The following COL7A1 variants were observed in gnomAD, a reference collection of about 807,000 sequenced individuals.
The protein encoded by COL7A1 is collagen type VII alpha 1 chain, also known as collagen alpha-1(VII) chain.
A neutral mutation model predicts 456.2 loss-of-function variants in COL7A1; 296 were observed. The ratio of observed to expected loss-of-function variants is 0.65; its 90% CI spans 0.59 to 0.71. The LOEUF (loss-of-function observed/expected upper bound fraction) is 0.71. COL7A1 is among the 30% of genes least tolerant of loss of function. The probability of loss-of-function intolerance (pLI) is 0.00; values close to 1 mark genes in which losing one functional copy is unlikely to be tolerated. For missense variants in COL7A1, 3,441 were observed against 4,017.2 expected, an observed-to-expected ratio of 0.86 and a Z score of 3.88; for synonymous variants, 1,464 against 1,525.9, an observed-to-expected ratio of 0.96 and a Z score of 0.95.
Position 48,573,823 on chromosome 3 carries a change from G to A in COL7A1, c.6537+32C>T, listed in dbSNP as rs757578754. On this transcript the variant is annotated intron_variant, in intron 81 of 118. Transcript: ENST00000681320. The surrounding 1 kb of genome is among the most constrained non-coding windows in gnomAD (Gnocchi z 5.5). The stretch of plus-strand genomic sequence containing the variant: ...TCACTGGGGCAGGGCACAGGATGGG[G>A]GCAAGACAGGTGAAGGTTCTTGGGT... The A allele has an allele frequency of 1.2e-6, 2 of 1,614,048 alleles. No homozygotes were observed. The highest frequency in any genetic ancestry group is 2.7e-5 in the African/African-American group (2 of 75,016).
chr3:48,564,260 C>A lies in COL7A1; in HGVS notation c.*146G>T. On this transcript the variant is annotated 3_prime_UTR_variant, in exon 119 of 119. Coordinates refer to ENST00000681320, the MANE Select transcript of COL7A1 (RefSeq NM_000094.4). The surrounding 1 kb of genome is among the most constrained non-coding windows in gnomAD (Gnocchi z 6.0). ...TGTCCACAGGGGGGAAGGCTAGACCCACGGGACCAAGTCACTGAAATAACG... is the reference window on the plus strand; with the variant it reads ...TGTCCACAGGGGGGAAGGCTAGACCAACGGGACCAAGTCACTGAAATAACG... The A allele has an allele frequency of 9.9e-7, 1 of 1,007,930 alleles. No individual in the cohort carries two copies. Among genetic ancestry groups the A allele is most frequent in the Non-Finnish European group, 1.5e-6 (1 of 652,638 alleles). The allele number at this position is 1,007,930 out of a possible 1,614,324, so 62.4% of individuals were successfully genotyped here. A position where few individuals can be genotyped will look rare whatever the true frequency, so the allele number is the denominator to read the frequency against.
At position 48,581,626 on chromosome 3, in the gene COL7A1, G is replaced by C; in HGVS notation, c.4729C>G (p.Pro1577Ala). The part of the protein sequence containing the change: ...ATGVQGERGP[P>A]GLVLPGDPGP... ...GGGTCTCCAGGAAGAACCAAGCCGG[G>C]TGGGCCCTGTGGATGGAAGGATAAG... Residue 1577 changes from proline to alanine, a missense_variant, in exon 50 of 119, where the codon CCC becomes GCC. Physicochemically the swap from Pro to Ala is conservative, Grantham distance 27. Transcript: ENST00000681320. The surrounding 1 kb of genome is among the most constrained non-coding windows in gnomAD (Gnocchi z 5.8). 6.2e-7 allele frequency: 1 copy of C among 1,614,186 alleles called. No individual in the cohort carries two copies. The highest frequency in any genetic ancestry group is 1.1e-5 in the South Asian group (1 of 91,086).
chr3:48,574,294 C>T lies in COL7A1; in HGVS notation c.6469G>A (p.Glu2157Lys). 6.2e-7 allele frequency: 1 copy of T among 1,614,172 alleles called. No homozygotes were observed. Among genetic ancestry groups the T allele is most frequent in the Non-Finnish European group, 8.5e-7 (1 of 1,180,032 alleles). The change falls in exon 80 of 119, where the codon GAG becomes AAG. Residue 2157 changes from glutamate (E) to lysine (K), a missense_variant. This residue lies in a region of COL7A1 where 2,084 missense variants were observed against 2,501.3 expected (regional missense o/e 0.83). Transcript: ENST00000681320. This position sits in a 1 kb window ranked among gnomAD's most constrained non-coding sequence, Gnocchi z 5.0. ...GQDGNPGLPG[E>K]RGMAGPEGKP... ...CCTTCAGGCCCAGCCATACCACGCT[C>T]TCCTGGTAGACCCTGCAGAGAATAG...
Position 48,566,203 on chromosome 3 carries a change from G to A in COL7A1, c.8407+64C>T. On this transcript the variant is annotated intron_variant, in intron 114 of 118. Transcript: ENST00000681320. The surrounding 1 kb of genome is among the most constrained non-coding windows in gnomAD (Gnocchi z 5.9). ...ACTGCTTGCCCTGTAAGTTCTAGGG[G>A]CCTGCCTGCCCTTGCCTAGGGTGCT... 6.5e-7 allele frequency: 1 copy of A among 1,536,668 alleles called. No individual in the cohort carries two copies. Among genetic ancestry groups the A allele is most frequent in the Non-Finnish European group, 8.9e-7 (1 of 1,129,802 alleles).
Position 48,576,867 on chromosome 3 carries a change from A to C in COL7A1, c.5604+17T>G, listed in dbSNP as rs2107683401. The C allele has an allele frequency of 6.2e-7, 1 of 1,614,058 alleles. No homozygotes were observed. Among genetic ancestry groups the C allele is most frequent in the Non-Finnish European group, 8.5e-7 (1 of 1,179,994 alleles). ...CAGGGTCAGGGGTCAGAGGTTGCAGAAAACTCCAATACTCACTTCTCTCCC... is the reference window on the plus strand; with the variant it reads ...CAGGGTCAGGGGTCAGAGGTTGCAGCAAACTCCAATACTCACTTCTCTCCC... On this transcript the variant is annotated intron_variant, in intron 67 of 118. Transcript: ENST00000681320.
chr3:48,594,713 C>G lies in COL7A1; in HGVS notation c.86-165G>C, dbSNP rs1258500761. On this transcript the variant is annotated intron_variant, in intron 2 of 118. Coordinates refer to ENST00000681320, the MANE Select transcript of COL7A1 (RefSeq NM_000094.4). This position sits in a 1 kb window ranked among gnomAD's most constrained non-coding sequence, Gnocchi z 5.5. The stretch of plus-strand genomic sequence containing the variant: ...TGAGGGCCTTGGAGGGAGTTGAGCT[C>G]GGTGGGTCCCAGAGCAGACTCCCGC... Among the ~76,000 whole-genome samples the G allele has an allele frequency of 2.0e-5, 3 of 152,208 alleles. No individual in the cohort carries two copies. The highest frequency in any genetic ancestry group is 2.0e-4 in the Admixed American group (3 of 15,288).
chr3:48,574,467 G>T lies in COL7A1; in HGVS notation c.6456+21C>A. ...GAGAGCCACCTTCTTGCACATGTGT[G>T]GCTGTTGGGCAAGGACTTACCGGGT... On this transcript the variant is annotated intron_variant, in intron 79 of 118. Transcript: ENST00000681320. This position sits in a 1 kb window ranked among gnomAD's most constrained non-coding sequence, Gnocchi z 5.0. 6.2e-7 allele frequency: 1 copy of T among 1,614,120 alleles called. No homozygotes were observed. The highest frequency in any genetic ancestry group is 8.5e-7 in the Non-Finnish European group (1 of 1,180,020).
In COL7A1 at chr3:48,569,067, C is replaced by T. The variant is rs1183629625; in HGVS notation, c.7687-212G>A. On this transcript the variant is annotated intron_variant, in intron 103 of 118. Transcript: ENST00000681320. The surrounding 1 kb of genome is among the most constrained non-coding windows in gnomAD (Gnocchi z 4.9). The stretch of plus-strand genomic sequence containing the variant: ...CCCCAAGGACTCCAGACCCTTGCCC[C>T]GCCCTCTTATCACTGGGTTCCTCAT... 2.6e-5 allele frequency among the ~76,000 whole-genome samples: 4 copies of T among 152,068 alleles called. No homozygotes were observed. Among genetic ancestry groups the T allele is most frequent in the East Asian group, 3.9e-4 (2 of 5,190 alleles).
Position 48,595,111 on chromosome 3 carries a change from C to G in COL7A1, c.49G>C (p.Glu17Gln), listed in dbSNP as rs748723344. The G allele has an allele frequency of 2.6e-6, 4 of 1,555,042 alleles. No homozygotes were observed. The highest frequency in any genetic ancestry group is 3.5e-6 in the Non-Finnish European group (4 of 1,149,558). The change falls in exon 2 of 119, where the codon GAG becomes CAG. Residue 17 changes from glutamate to glutamine, a missense_variant. By Grantham distance (29) the Glu-to-Gln change is conservative (BLOSUM62 2). Around this residue, in one of 3 missense-constraint regions of COL7A1, gnomAD observed 913 missense variants for 1,088.2 expected, o/e 0.84. Coordinates refer to ENST00000681320, the MANE Select transcript of COL7A1 (RefSeq NM_000094.4). ...TGCTGGGCTCGCACTCGGGGCGCCTCTGCCAGGATCCCGGCGCAGAGCGCG... is the reference window on the plus strand; with the variant it reads ...TGCTGGGCTCGCACTCGGGGCGCCTGTGCCAGGATCCCGGCGCAGAGCGCG... ...VAALCAGILA[E>Q]APRVRAQHRE...
In COL7A1 at chr3:48,574,387, C is replaced by T. The variant is rs2044145725; in HGVS notation, c.6457-81G>A. 1.1e-5 allele frequency: 18 copies of T among 1,612,792 alleles called. No homozygotes were observed. The highest frequency in any genetic ancestry group is 1.4e-5 in the Non-Finnish European group (17 of 1,178,848). The stretch of plus-strand genomic sequence containing the variant: ...ACCATCCCCCTAGACAGAGTCAGGA[C>T]CCAGACAGTCCCAGGCAGTACAGAC... On this transcript the variant is annotated intron_variant, in intron 79 of 118. Coordinates refer to ENST00000681320, the MANE Select transcript of COL7A1 (RefSeq NM_000094.4). The surrounding 1 kb of genome is among the most constrained non-coding windows in gnomAD (Gnocchi z 5.0).
chr3:48,589,385 A>G lies in COL7A1; in HGVS notation c.2256T>C (p.His752=). The G allele has an allele frequency of 1.2e-6, 2 of 1,613,484 alleles. No homozygotes were observed. Among genetic ancestry groups the G allele is most frequent in the Non-Finnish European group, 8.5e-7 (1 of 1,180,008 alleles). The change falls in exon 18 of 119, where the codon CAT becomes CAC. Residue 752 remains histidine, a synonymous_variant. Coordinates refer to ENST00000681320, the MANE Select transcript of COL7A1 (RefSeq NM_000094.4). ...GLEPDTEYTV[H]VRAHVAGVDG... is the part of the protein sequence containing the mutation. ...CCACGCCAGCCACATGGGCCCTCAC[A>G]TGCACCGTATACTCAGTATCTGGCT...
In COL7A1 at chr3:48,580,842, C is replaced by T. The variant is rs754137673; in HGVS notation, c.4980+40G>A. On this transcript the variant is annotated intron_variant, in intron 54 of 118. Transcript: ENST00000681320. The surrounding 1 kb of genome is among the most constrained non-coding windows in gnomAD (Gnocchi z 4.5). Reference sequence around the variant, plus strand: ...GCCTTTCCTATCACCTTCATGCCCACCTCCCATCACCCCTGTTACTTCTCT... The same window carrying T: ...GCCTTTCCTATCACCTTCATGCCCATCTCCCATCACCCCTGTTACTTCTCT... 2 of 1,613,444 alleles carry T rather than the reference C, an allele frequency of 1.2e-6. No homozygotes were observed. Among genetic ancestry groups the T allele is most frequent in the Admixed American group, 3.3e-5 (2 of 60,016 alleles).
chr3:48,580,486 T>C lies in COL7A1; in HGVS notation c.5052+95A>G. The stretch of plus-strand genomic sequence containing the variant: ...TCAAAGGAAGTGAAGATTGGGAGGG[T>C]TTAGCATTACAGGGTTGGGGGGTAG... On this transcript the variant is annotated intron_variant, in intron 55 of 118. Transcript: ENST00000681320. This position sits in a 1 kb window ranked among gnomAD's most constrained non-coding sequence, Gnocchi z 4.5. 1 of 1,498,346 alleles carries C rather than the reference T, an allele frequency of 6.7e-7. No individual in the cohort carries two copies. The highest frequency in any genetic ancestry group is 9.2e-7 in the Non-Finnish European group (1 of 1,087,334). The allele number at this position is 1,498,346 out of a possible 1,614,324, so 92.8% of individuals were successfully genotyped here. A position where few individuals can be genotyped will look rare whatever the true frequency, so the allele number is the denominator to read the frequency against.
intron 69 of COL7A1, 30 bp from the exon 70 acceptor site, chr3:48,576,465 T>C (rs1375963700): frequency 3.7e-6 from 6 of 1,612,934 alleles, no homozygotes; most frequent in Non-Finnish European, 4.2e-6. Context: ...GGTGGGGAAA[T>C]GGCCCCCAGC....
Position 48,588,649 on chromosome 3 carries a change from G to A in COL7A1, c.2580C>T (p.Val860=). The part of the protein sequence containing the change: ...DREGTPVSIV[V]TTPPEAPPAL... ...AGCGCATGCTCTGCCTACGCGTAGT[G>A]ACAACAATGGAGACAGGTGTGCCCT... Residue 860 remains valine (V), a synonymous_variant, in exon 20 of 119, where the codon GTC becomes GTT. Coordinates refer to ENST00000681320, the MANE Select transcript of COL7A1 (RefSeq NM_000094.4). The surrounding 1 kb of genome is among the most constrained non-coding windows in gnomAD (Gnocchi z 4.6). 6.2e-7 allele frequency: 1 copy of A among 1,613,850 alleles called. No homozygotes were observed.
Position 48,583,204 on chromosome 3 carries a change from A to G in COL7A1, c.4438-33T>C. 6.2e-7 allele frequency: 1 copy of G among 1,613,084 alleles called. No homozygotes were observed. The highest frequency in any genetic ancestry group is 8.5e-7 in the Non-Finnish European group (1 of 1,179,662). ...GAGAGGGTGAGAGAAAGACAGAGAG[A>G]GAGAGGGTTGGTGGCGGGGCTTGAA... On this transcript the variant is annotated intron_variant, in intron 42 of 118. Transcript: ENST00000681320. This position sits in a 1 kb window ranked among gnomAD's most constrained non-coding sequence, Gnocchi z 5.1.
At chr3:48,584,427 C>G (rs756261610) in intron 36 of COL7A1, 52 bp from the exon 37 acceptor site, 1 of 1,613,354 alleles carries the variant, frequency 6.2e-7, no homozygotes, top group South Asian at 1.1e-5. Context: ...TCACTCTCGC[C>G]CCCCTCGTGT....
chr3:48,585,908 C>T lies in COL7A1; in HGVS notation c.3759+32G>A. 1 of 1,614,134 alleles carries T rather than the reference C, an allele frequency of 6.2e-7. No homozygotes were observed. Among genetic ancestry groups the T allele is most frequent in the Non-Finnish European group, 8.5e-7 (1 of 1,180,026 alleles). ...TCAGAGTGGCTAGCCCCAGGTGCAG[C>T]CTCTGTTCACCTCTCGATGAGGGAC... On this transcript the variant is annotated intron_variant, in intron 29 of 118. Coordinates refer to ENST00000681320, the MANE Select transcript of COL7A1 (RefSeq NM_000094.4). The surrounding 1 kb of genome is among the most constrained non-coding windows in gnomAD (Gnocchi z 4.5).
At position 48,565,730 on chromosome 3, in the gene COL7A1, A is replaced by G; in HGVS notation, c.8408-62T>C. ...GAGAGAAGGATGGGAAGATGGAGAG[A>G]CAGACAGAGACACACAGGCAGAGGG... On this transcript the variant is annotated intron_variant, in intron 114 of 118. Coordinates refer to ENST00000681320, the MANE Select transcript of COL7A1 (RefSeq NM_000094.4). This position sits in a 1 kb window ranked among gnomAD's most constrained non-coding sequence, Gnocchi z 4.5. 1 of 1,484,222 alleles carries G rather than the reference A, an allele frequency of 6.7e-7. No individual in the cohort carries two copies. The highest frequency in any genetic ancestry group is 1.2e-5 in the South Asian group (1 of 83,954). 91.9% of individuals were successfully genotyped at this position (1,484,222 alleles called of 1,614,324 possible). A position where few individuals can be genotyped will look rare whatever the true frequency, so the allele number is the denominator to read the frequency against.
Sources: gnomAD v4.1 joint callset for allele counts (sites outside exome capture counted in the v4.1 genomes callset) on GRCh38, gnomAD v4.1.1 for gene constraint, gnomAD v4.1.1 regional missense constraint, Gnocchi (gnomAD v3.1) non-coding constraint, MANE v1.5 for transcripts, NCBI Gene and HGNC (gene_info 2026-07-23, HGNC 2026-07-21) for gene names.